The following UTRN variants were observed in gnomAD, a reference collection of about 807,000 sequenced individuals.
UTRN encodes the protein dystrophin-related protein 1.
A neutral mutation model predicts 463.9 loss-of-function variants in UTRN; 283 were observed. The ratio of observed to expected loss-of-function variants is 0.61; its 90% CI spans 0.55 to 0.67. The LOEUF (loss-of-function observed/expected upper bound fraction) is 0.67. Among genes scored for constraint, UTRN ranks in the 30% least tolerant of loss-of-function variants. UTRN has a pLI of 0.00. For synonymous variants in UTRN, 1,442 were observed against 1,431.5 expected, an observed-to-expected ratio of 1.01 and a Z score of -0.17; for missense variants, 3,922 against 4,084.3, an observed-to-expected ratio of 0.96 and a Z score of 1.08.
In UTRN at chr6:144,841,999, A is replaced by T. The variant is rs989116299; in HGVS notation, c.10270+1167A>T. The stretch of plus-strand genomic sequence containing the variant: ...GTGGCATGCACTTGTAATCCCAGCA[A>T]CTCAGGAGGTTGAGGCAGGAGAATC... On this transcript the variant is annotated intron_variant, in intron 73 of 74. Coordinates refer to ENST00000367545, the MANE Select transcript of UTRN (RefSeq NM_007124.3). 2.0e-5 allele frequency among the ~76,000 whole-genome samples: 3 copies of T among 151,284 alleles called. No homozygotes were observed. In the Admixed American group the frequency reaches 2.0e-4, roughly 10 times the overall value.
chr6:144,844,941 T>C (rs1199216768), intron 73 of UTRN, among the ~76,000 whole-genome samples: 2 of 152,252 alleles, frequency 1.3e-5, no homozygotes, highest in East Asian at 3.8e-4. Flanking sequence ...GAATTTCCAC[T>C]CTTGGCAATC....
At chr6:144,557,579 T>C (rs1799502732) in intron 50 of UTRN, among the ~76,000 whole-genome samples, 1 of 152,142 alleles carries the variant, frequency 6.6e-6, no homozygotes, top group African/African-American at 2.4e-5. Context: ...TGTGTTCTGA[T>C]TGTCTTACGC....
At chr6:144,818,962 C>CT (rs2128752483) in intron 65 of UTRN, among the ~76,000 whole-genome samples, 1 of 152,000 alleles carries the variant, frequency 6.6e-6, no homozygotes, top group South Asian at 2.1e-4. Context: ...TATAACAACC[C>CT]TTTTTTCTCC....
intron 51 of UTRN, among the ~76,000 whole-genome samples, chr6:144,633,299 G>C (rs1412955144): frequency 6.8e-6 from 1 of 147,268 alleles, no homozygotes; most frequent in Non-Finnish European, 1.5e-5. Flanking sequence ...GCGCGATCTC[G>C]GCGCACTGCA....
intron 70 of UTRN, 44 bp downstream of exon 70, chr6:144,835,982 G>C (rs770794192): frequency 1.9e-6 from 3 of 1,600,490 alleles, no homozygotes; most frequent in Non-Finnish European, 2.6e-6. Context: ...CCTTTCTTTT[G>C]TATGAATTTC....
At chr6:144,339,893 C>T (rs1357612966) in intron 2 of UTRN, among the ~76,000 whole-genome samples, 2 of 152,180 alleles carry the variant, frequency 1.3e-5, no homozygotes, top group African/African-American at 2.4e-5. Flanking sequence ...CTAGGCCAGG[C>T]GTGGTGGCTC....
chr6:144,768,673 A>G (rs1056035289), intron 58 of UTRN, among the ~76,000 whole-genome samples: 3 of 152,190 alleles, frequency 2.0e-5, no homozygotes, highest in African/African-American at 7.2e-5. Flanking sequence ...ACAATAATCA[A>G]TTGCATTCCA....
intron 23 of UTRN, among the ~76,000 whole-genome samples, chr6:144,469,909 C>CAT (rs1562447727): frequency 3.3e-5 from 5 of 151,870 alleles, no homozygotes; most frequent in Non-Finnish European, 7.4e-5. Context: ...TGACTCTTAA[C>CAT]GAGCATGCTG....
intron 33 of UTRN, 132 bp from the exon 34 acceptor site, chr6:144,499,125 A>G (rs996762117): frequency 1.0e-6 from 1 of 959,456 alleles, no homozygotes; most frequent in Non-Finnish European, 1.5e-6. Flanking sequence ...CTAAGGTGCT[A>G]AGACAAAGGT....
chr6:144,583,687 A>G (rs1337067486), intron 51 of UTRN: 2 of 463,872 alleles, frequency 4.3e-6, no homozygotes, highest in African/African-American at 3.9e-5. Flanking sequence ...TCAGGTTCTT[A>G]TCAAGGAAAG....
At chr6:144,842,857 T>C (rs1223905395) in intron 73 of UTRN, among the ~76,000 whole-genome samples, 2 of 149,140 alleles carry the variant, frequency 1.3e-5, no homozygotes, top group African/African-American at 4.9e-5. Flanking sequence ...CACACCCATA[T>C]AGACACACTT....
At chr6:144,808,426 T>A (rs982573313) in intron 65 of UTRN, among the ~76,000 whole-genome samples, 1 of 152,170 alleles carries the variant, frequency 6.6e-6, no homozygotes, top group Non-Finnish European at 1.5e-5. Flanking sequence ...AAAATTACCC[T>A]ACTCAGATCT....
chr6:144,523,019 A>G lies in UTRN; in HGVS notation c.5737A>G (p.Ile1913Val), dbSNP rs1486204562. 9.4e-6 allele frequency: 15 copies of G among 1,592,854 alleles called. No homozygotes were observed. The highest frequency in any genetic ancestry group is 1.3e-5 in the Non-Finnish European group (15 of 1,172,158). ...ATCTATGACAATATATTTTTAGAAT[A>G]TCAAAGACCAACTGGACAAACTTGG... ...FSFQEDSLKN[I>V]KDQLDKLGEQ... The change falls in exon 41 of 75, where the codon ATC (isoleucine) becomes GTC (valine). Residue 1913 changes from isoleucine to valine, a missense_variant. Physicochemically the swap from Ile to Val is conservative, Grantham distance 29. Transcript: ENST00000367545.
chr6:144,840,123 G>T (rs571725914), intron 72 of UTRN, among the ~76,000 whole-genome samples: 2 of 152,044 alleles, frequency 1.3e-5, no homozygotes, highest in South Asian at 4.2e-4. Flanking sequence ...GGGAGGCGGA[G>T]GTTGCAGTGA....
At chr6:144,782,632 A>G (rs1284869261) in intron 61 of UTRN, among the ~76,000 whole-genome samples, 3 of 133,708 alleles carry the variant, frequency 2.2e-5, no homozygotes, top group Admixed American at 7.1e-5. Flanking sequence ...GTGTGTATAT[A>G]TATATAATAT....
rs113419217 is a variant in UTRN at position 144,797,288 on chromosome 6, A to G, written c.9079-536A>G. Among the ~76,000 whole-genome samples the G allele has an allele frequency of 8.4e-3, 1,274 of 151,798 alleles. 14 individuals carry two copies. The highest frequency in any genetic ancestry group is 0.029 in the African/African-American group (1,220 of 41,372). The stretch of plus-strand genomic sequence containing the variant: ...ACTGCAACCTCCGCCTCCCAGGTTC[A>G]AGCGATTCTCCTGCCTCAGCCTCCC... On this transcript the variant is annotated intron_variant, in intron 63 of 74. Coordinates refer to ENST00000367545, the MANE Select transcript of UTRN (RefSeq NM_007124.3).
At chr6:144,414,697 A>G (rs1275712978) in intron 3 of UTRN, among the ~76,000 whole-genome samples, 1 of 148,220 alleles carries the variant, frequency 6.7e-6, no homozygotes, top group African/African-American at 2.5e-5. Flanking sequence ...TAAGTGTCCT[A>G]TACAGGTGTA....
chr6:144,691,397 G>A (rs1342635563), intron 52 of UTRN, among the ~76,000 whole-genome samples: 1 of 152,220 alleles, frequency 6.6e-6, no homozygotes, highest in Admixed American at 6.5e-5. Flanking sequence ...GGTTACAGGC[G>A]TGAGCCACTG....
chr6:144,487,758 G>A, intron 29 of UTRN, 61 bp downstream of exon 29: 1 of 1,487,578 alleles, frequency 6.7e-7, no homozygotes, highest in Non-Finnish European at 9.0e-7. Context: ...CTGGCCCTAA[G>A]CTCCATATCA....
Sources: gnomAD v4.1 joint callset for allele counts (sites outside exome capture counted in the v4.1 genomes callset) on GRCh38, gnomAD v4.1.1 for gene constraint, MANE v1.5 for transcripts, NCBI Gene and HGNC (gene_info 2026-07-23, HGNC 2026-07-21) for gene names.